The following HOOK1 variants were observed in gnomAD, a reference collection of about 807,000 sequenced individuals.
HOOK1 encodes the protein protein Hook homolog 1.
HOOK1 carries 60 observed loss-of-function variants against 112.8 expected under a neutral mutation model. The observed-to-expected ratio is 0.53, with a 90% CI of 0.43 to 0.66. HOOK1 has a LOEUF of 0.66. Ranked by LOEUF, HOOK1 falls within the 30% of genes least tolerant of loss-of-function variation. The probability of loss-of-function intolerance (pLI) is 0.00; values close to 1 mark genes in which losing one functional copy is unlikely to be tolerated. For synonymous variants in HOOK1, 294 were observed against 283.8 expected (o/e 1.04, Z -0.36); for missense variants, 770 against 856.0 (o/e 0.90, Z 1.25).
intron 7 of HOOK1, 46 bp downstream of exon 7, chr1:59,836,981 G>T: frequency 8.3e-7 from 1 of 1,203,534 alleles, no homozygotes; most frequent in Non-Finnish European, 1.2e-6. Flanking sequence ...CAATGTTAGG[G>T]TTTCTTTGCC....
intron 1 of HOOK1, 190 bp downstream of exon 1, chr1:59,815,370 G>A (rs2098380498): frequency 3.3e-6 from 2 of 597,942 alleles, no homozygotes; most frequent in African/African-American, 1.9e-5. Flanking sequence ...GCGCGGGTTG[G>A]TGTCCGGGGG....
chr1:59,872,391 T>C (rs1644068083), intron 21 of HOOK1, among the ~76,000 whole-genome samples: 1 of 152,222 alleles, frequency 6.6e-6, no homozygotes, highest in African/African-American at 2.4e-5. Context: ...AAATTTGTAT[T>C]TTTAACAAAT....
chr1:59,814,976 G>A lies in HOOK1; in HGVS notation c.-142G>A. 2.6e-6 allele frequency: 2 copies of A among 774,760 alleles called. No homozygotes were observed. Among genetic ancestry groups the A allele is most frequent in the South Asian group, 1.7e-5 (1 of 58,376 alleles). The allele number at this position is 774,760 out of a possible 1,614,324, so 48.0% of individuals were successfully genotyped here. A position where few individuals can be genotyped will look rare whatever the true frequency, so the allele number is the denominator to read the frequency against. ...GACGCCGGACGCGTCGACAGCGCGA[G>A]GGTTCGCGCGTGAGCTGCGCGGGTC... On this transcript the variant is annotated 5_prime_UTR_variant, in exon 1 of 22. Transcript: ENST00000371208.
intron 1 of HOOK1, among the ~76,000 whole-genome samples, chr1:59,816,296 T>C (rs866567818): frequency 6.6e-6 from 1 of 152,216 alleles, no homozygotes; most frequent in Admixed American, 6.5e-5. Context: ...TAACTTTTGC[T>C]TTTAGTGGAA....
At chr1:59,844,964 T>C (rs2098402894) in intron 9 of HOOK1, among the ~76,000 whole-genome samples, 2 of 152,014 alleles carry the variant, frequency 1.3e-5, no homozygotes. Context: ...AGTTTCTAAA[T>C]TCACTTATTG....
At position 59,860,320 on chromosome 1, in the gene HOOK1, T is replaced by A. The variant is rs755554392; in HGVS notation, c.1524T>A (p.Thr508=). 5 of 1,595,792 alleles carry A rather than the reference T, an allele frequency of 3.1e-6. No individual in the cohort carries two copies. Among genetic ancestry groups the A allele is most frequent in the East Asian group, 2.3e-5 (1 of 44,196 alleles). The change falls in exon 15 of 22, where the codon ACT becomes ACA. Residue 508 remains threonine (T), a synonymous_variant. Transcript: ENST00000371208. ...QKHRKMNELE[T]EQRLSKERIR... ...ACCGTAAAATGAATGAACTGGAAAC[T>A]GAGCAGAGGTGATATGCTCCTTAGT...
chr1:59,823,269 G>A (rs896344252), intron 2 of HOOK1, among the ~76,000 whole-genome samples: 4 of 152,198 alleles, frequency 2.6e-5, no homozygotes, highest in Non-Finnish European at 2.9e-5. Flanking sequence ...ACAGTGAGCC[G>A]AGATCCTGCC....
rs150874347 is a variant in HOOK1, at chr1:59,832,807, G to A, written c.273+594G>A. Among the ~76,000 whole-genome samples, 356 of 151,992 alleles carry A rather than the reference G, an allele frequency of 2.3e-3. 1 individual carries two copies. Among genetic ancestry groups the A allele is most frequent in the African/African-American group, 7.9e-3 (328 of 41,506 alleles). ...ATTTTTGTTTCTATTCTTTAAAGTC[G>A]TCACACAATTAAACTTGTAATTTCT... On this transcript the variant is annotated intron_variant, in intron 4 of 21. Transcript: ENST00000371208.
intron 15 of HOOK1, among the ~76,000 whole-genome samples, 163 bp from the exon 16 acceptor site, chr1:59,862,621 C>G (rs1243464049): frequency 6.6e-6 from 1 of 152,078 alleles, no homozygotes; most frequent in Non-Finnish European, 1.5e-5. Context: ...TTAGAAGTAG[C>G]CTGCCCTACT....
At chr1:59,824,338 G>C (rs1475773425) in intron 2 of HOOK1, among the ~76,000 whole-genome samples, 1 of 151,854 alleles carries the variant, frequency 6.6e-6, no homozygotes, top group Non-Finnish European at 1.5e-5. Context: ...CTCCTCAGTA[G>C]CTGGGATTAC....
chr1:59,841,866 G>A (rs2098401187), intron 8 of HOOK1, among the ~76,000 whole-genome samples: 1 of 152,056 alleles, frequency 6.6e-6, no homozygotes, highest in African/African-American at 2.4e-5. Context: ...CCAAACAGAG[G>A]GAGACAGAGA....
chr1:59,829,321 A>G (rs2098392159), intron 3 of HOOK1, among the ~76,000 whole-genome samples: 1 of 152,030 alleles, frequency 6.6e-6, no homozygotes, highest in Non-Finnish European at 1.5e-5. Flanking sequence ...TGGATGTTTG[A>G]ATTTTTAACA....
intron 12 of HOOK1, among the ~76,000 whole-genome samples, chr1:59,853,237 A>G (rs1411601996): frequency 6.6e-6 from 1 of 151,974 alleles, no homozygotes; most frequent in Non-Finnish European, 1.5e-5. Flanking sequence ...TTGTTATATC[A>G]TCTCTTTTTC....
intron 21 of HOOK1, 70 bp from the exon 22 acceptor site, chr1:59,872,725 T>G: frequency 1.8e-6 from 2 of 1,105,788 alleles, no homozygotes; most frequent in South Asian, 3.4e-5. Context: ...TTAAGTGTCT[T>G]TATGTGAGAA....
At chr1:59,818,011 C>T (rs1036084285) in intron 1 of HOOK1, among the ~76,000 whole-genome samples, 2 of 152,142 alleles carry the variant, frequency 1.3e-5, no homozygotes, top group Non-Finnish European at 2.9e-5. Flanking sequence ...AGTGTTTCAC[C>T]ATTAAGTGTG....
intron 7 of HOOK1, among the ~76,000 whole-genome samples, chr1:59,838,766 T>G (rs2098399398): frequency 6.6e-6 from 1 of 152,150 alleles, no homozygotes; most frequent in Non-Finnish European, 1.5e-5. Flanking sequence ...ACATGAAGTC[T>G]TTGCCCATGC....
chr1:59,828,361 G>A (rs1296534223), intron 2 of HOOK1, among the ~76,000 whole-genome samples: 6 of 152,050 alleles, frequency 3.9e-5, no homozygotes. Context: ...TATCACTCAG[G>A]GCAAATTACT....
chr1:59,863,856 G>A lies in HOOK1; in HGVS notation c.1627-776G>A, dbSNP rs1016902427. The A allele has an allele frequency of 6.2e-6, 6 of 962,618 alleles. No homozygotes were observed. In the African/African-American group the frequency reaches 1.1e-4, roughly 17 times the overall value. 59.6% of individuals were successfully genotyped at this position (962,618 alleles called of 1,614,324 possible). On this transcript the variant is annotated intron_variant, in intron 16 of 21. Transcript: ENST00000371208. ...TCTCATGCATGGCGGCATCTCATAT[G>A]TGCATATATACGGTATTGTAACTTC...
chr1:59,818,250 T>G (rs2098383012), intron 1 of HOOK1, among the ~76,000 whole-genome samples: 1 of 152,184 alleles, frequency 6.6e-6, no homozygotes, highest in South Asian at 2.1e-4. Context: ...TAAAAAAAGT[T>G]ATGATGGGGC....
Sources: allele counts gnomAD v4.1 joint callset (sites outside exome capture counted in the v4.1 genomes callset), GRCh38; gene constraint gnomAD v4.1.1; transcripts MANE v1.5; gene names NCBI Gene and HGNC (gene_info 2026-07-23, HGNC 2026-07-21).